The following LTBP4 variants were observed in gnomAD, a reference collection of about 807,000 sequenced individuals.
LTBP4 encodes the protein latent-transforming growth factor beta-binding protein 4.
In LTBP4, 93 loss-of-function variants were observed where a neutral mutation model predicts 180.2. The observed-to-expected ratio is 0.52, with a 90% confidence interval of 0.44 to 0.61. The LOEUF (loss-of-function observed/expected upper bound fraction) is 0.61, where lower values mean the gene tolerates loss of function less well. Ranked by LOEUF, LTBP4 falls within the 20% of genes least tolerant of loss-of-function variation. LTBP4 has a pLI of 0.00. For missense variants in LTBP4, 2,116 were observed against 2,256.5 expected (o/e 0.94, Z 1.26); for synonymous variants, 947 against 934.5 (o/e 1.01, Z -0.24).
In LTBP4 at chr19:40,610,655, A is replaced by T. The variant is rs2081499435; in HGVS notation, c.1808A>T (p.Gln603Leu). Residue 603 changes from glutamine to leucine, a missense_variant and splice_region_variant, in exon 12 of 30, where the codon CAG (glutamine) becomes CTG (leucine). Coordinates refer to ENST00000396819, the MANE Select transcript of LTBP4 (RefSeq NM_001042545.2). ...GCTGCACCGCACGGAGCCAGCTGCC[A>T]GGGTGAGGGCCTGGGAGGGGCAGCT... ...YQAAPHGASC[Q>L]DVDECTQSPG... The T allele has an allele frequency of 6.3e-7, 1 of 1,582,224 alleles. No individual in the cohort carries two copies. Among genetic ancestry groups the T allele is most frequent in the African/African-American group, 1.3e-5 (1 of 74,604 alleles).
At position 40,619,479 on chromosome 19, in the gene LTBP4, C is replaced by T. The variant is rs541020567; in HGVS notation, c.3203C>T (p.Pro1068Leu). Residue 1068 changes from proline to leucine, a missense_variant, in exon 22 of 30, where the codon CCA becomes CTA. Pro to Leu is a moderately conservative substitution (Grantham distance 98). Transcript: ENST00000396819. ...CCCATGACTGGACGCTGTGTTCCCC[C>T]ACGAACTTCTGCTGGTGAGACTGAT... ...FDPMTGRCVP[P>L]RTSAGTFPGS... 53 of 1,611,006 alleles carry T rather than the reference C, an allele frequency of 3.3e-5. No individual in the cohort carries two copies. The highest frequency in any genetic ancestry group is 4.1e-5 in the Non-Finnish European group (48 of 1,178,078).
At chr19:40,604,988 C>T in intron 1 of LTBP4, 47 bp from the exon 2 acceptor site, 1 of 1,555,186 alleles carries the variant, frequency 6.4e-7, no homozygotes, top group Non-Finnish European at 8.8e-7. Flanking sequence ...CCCAGGAGAA[C>T]CTGCCAGGAA....
Position 40,625,883 on chromosome 19 carries a change from G to A in LTBP4, c.3859G>A (p.Glu1287Lys), listed in dbSNP as rs1351871392. The A allele has an allele frequency of 1.3e-6, 2 of 1,596,394 alleles. No homozygotes were observed. The highest frequency in any genetic ancestry group is 3.5e-5 in the Admixed American group (2 of 57,456). Reference sequence around the variant, plus strand: ...TGACAATCTGGGAGTGTGCTGGCAGGAAGTGGGGGCTGACCTCGTGTGCAG... The same window carrying A: ...TGACAATCTGGGAGTGTGCTGGCAGAAAGTGGGGGCTGACCTCGTGTGCAG... Reference protein sequence around the residue: ...LDDNLGVCWQEVGADLVCSHP... With the variant: ...LDDNLGVCWQKVGADLVCSHP... The change falls in exon 27 of 30, where the codon GAA becomes AAA. Residue 1287 changes from glutamate to lysine, a missense_variant. Transcript: ENST00000396819.
At chr19:40,597,519 C>A, upstream of LTBP4, 2 of 1,000,120 alleles carry the variant, frequency 2.0e-6, no homozygotes, top group Non-Finnish European at 2.7e-6. Context: ...ATTTATTAGG[C>A]GCCCTCAATT....
upstream of LTBP4, chr19:40,600,287 A>C: frequency 2.0e-5 from 9 of 455,346 alleles, no homozygotes; most frequent in Non-Finnish European, 2.2e-5. This position sits in a 1 kb window ranked among gnomAD's most constrained non-coding sequence, Gnocchi z 4.4. Context: ...GTTGTAGCTC[A>C]GCACCCACCC....
Position 40,611,389 on chromosome 19 carries a change from G to A in LTBP4, c.2048G>A (p.Cys683Tyr). The change falls in exon 13 of 30, where the codon TGC becomes TAC. Residue 683 changes from cysteine (C) to tyrosine (Y), a missense_variant. By Grantham distance (194) the Cys-to-Tyr change is radical. Around this residue, in one of 5 missense-constraint regions of LTBP4, gnomAD observed 877 missense variants for 873.6 expected, o/e 1.00. Transcript: ENST00000396819. The surrounding 1 kb of genome is among the most constrained non-coding windows in gnomAD (Gnocchi z 4.4). ...GFRSRGPGAP[C>Y]QDVDECARSP... is the part of the protein sequence containing the mutation. Reference sequence around the variant, plus strand: ...CGCTCCCGAGGGCCCGGGGCCCCCTGCCAAGGTGAGGGTGCTGAGCCCAGC... The same window carrying A: ...CGCTCCCGAGGGCCCGGGGCCCCCTACCAAGGTGAGGGTGCTGAGCCCAGC... 6.2e-7 allele frequency: 1 copy of A among 1,604,754 alleles called. No homozygotes were observed.
chr19:40,597,206 G>A (rs1213788956), upstream of LTBP4: 7 of 1,433,022 alleles, frequency 4.9e-6, no homozygotes, highest in East Asian at 8.8e-5. Context: ...CAGACCGCCC[G>A]CCCGGAGCGG....
intron 22 of LTBP4, among the ~76,000 whole-genome samples, chr19:40,621,715 G>C (rs1236799148): frequency 6.6e-6 from 1 of 152,102 alleles, no homozygotes; most frequent in Non-Finnish European, 1.5e-5. Flanking sequence ...TGGATGTCTG[G>C]GTGGGGAAGC....
chr19:40,619,471 T>C lies in LTBP4; in HGVS notation c.3195T>C (p.Cys1065=), dbSNP rs564954460. The C allele has an allele frequency of 6.1e-5, 98 of 1,612,320 alleles. No homozygotes were observed. The East Asian group carries it at 1.9e-3, about 32-fold the overall frequency. ...AGTTTGACCCCATGACTGGACGCTG[T>C]GTTCCCCCACGAACTTCTGCTGGTG... ...PEEFDPMTGR[C]VPPRTSAGTF... Residue 1065 remains cysteine (C), a synonymous_variant, in exon 22 of 30, where the codon TGT becomes TGC. Transcript: ENST00000396819.
chr19:40,603,911 C>A (rs969228459), intron 1 of LTBP4, among the ~76,000 whole-genome samples: 2 of 152,272 alleles, frequency 1.3e-5, no homozygotes, highest in African/African-American at 2.4e-5. Flanking sequence ...TTGTTTACCC[C>A]GCCGCACAGC....
At chr19:40,612,033 G>A (rs1457951873) in intron 14 of LTBP4, 40 bp from the exon 15 acceptor site, 2 of 1,612,020 alleles carry the variant, frequency 1.2e-6, no homozygotes, top group African/African-American at 1.3e-5. Flanking sequence ...GGGGGGAGTT[G>A]GACCACTTCT....
rs1426509297 is a variant in LTBP4 at position 40,627,710 on chromosome 19, C to T, written c.4372C>T (p.Leu1458=). The part of the protein sequence containing the change: ...PPEGGSYAGS[L]AEPYEELEAE... ...GGTCCCCGCATTTCCCACAGGTTCC[C>T]TGGCTGAGCCCTACGAGGAGCTGGA... The change falls in exon 29 of 30, where the codon CTG becomes TTG. Residue 1458 remains leucine (L), a synonymous_variant. Coordinates refer to ENST00000396819, the MANE Select transcript of LTBP4 (RefSeq NM_001042545.2). 2 of 1,593,144 alleles carry T rather than the reference C, an allele frequency of 1.3e-6. No homozygotes were observed. Among genetic ancestry groups the T allele is most frequent in the Admixed American group, 1.7e-5 (1 of 57,326 alleles).
chr19:40,601,328 T>G (rs1206936918), upstream of LTBP4: 1 of 977,876 alleles, frequency 1.0e-6, no homozygotes, highest in African/African-American at 1.8e-5. Flanking sequence ...GGCGGGCGGG[T>G]GCGGCCGGGC....
rs776105771 is a variant in LTBP4 at position 40,609,787 on chromosome 19, G to A, written c.1600G>A (p.Gly534Arg). ...CRRVPPPCAP[G>R]RCENSPGSFR... is the part of the protein sequence containing the mutation. ...CCGCGTGCCCCCGCCCTGTGCTCCC[G>A]GGCGCTGCGAGAACTCACCAGGCAG... The change falls in exon 11 of 30, where the codon GGG (glycine) becomes AGG (arginine). Residue 534 changes from glycine to arginine, a missense_variant. By Grantham distance (125) the Gly-to-Arg change is moderately radical. Coordinates refer to ENST00000396819, the MANE Select transcript of LTBP4 (RefSeq NM_001042545.2). The surrounding 1 kb of genome is among the most constrained non-coding windows in gnomAD (Gnocchi z 4.9). 5.6e-6 allele frequency: 9 copies of A among 1,611,340 alleles called. No individual in the cohort carries two copies. Among genetic ancestry groups the A allele is most frequent in the African/African-American group, 4.0e-5 (3 of 74,856 alleles).
chr19:40,616,497 C>A (rs1278384403), intron 19 of LTBP4, among the ~76,000 whole-genome samples: 1 of 151,682 alleles, frequency 6.6e-6, no homozygotes, highest in Non-Finnish European at 1.5e-5. Flanking sequence ...CTTGAGGAGG[C>A]CGAGGTGGAC....
chr19:40,610,952 C>A (rs1315565752), intron 12 of LTBP4, 200 bp from the exon 13 acceptor site: 6 of 761,356 alleles, frequency 7.9e-6, no homozygotes, highest in Non-Finnish European at 8.3e-6. Flanking sequence ...GAGAAGGAGG[C>A]CTTCTCATGG....
chr19:40,627,896 C>A (rs919871572), intron 29 of LTBP4, 39 bp downstream of exon 29: 2 of 1,535,000 alleles, frequency 1.3e-6, no homozygotes, highest in Non-Finnish European at 1.7e-6. Flanking sequence ...CAGGGAGAGG[C>A]GAGGCTTGTC....
chr19:40,613,339 A>G lies in LTBP4; in HGVS notation c.2432-65A>G. The G allele has an allele frequency of 6.4e-7, 1 of 1,567,096 alleles. No homozygotes were observed. The highest frequency in any genetic ancestry group is 8.6e-7 in the Non-Finnish European group (1 of 1,157,468). On this transcript the variant is annotated intron_variant, in intron 16 of 29. Coordinates refer to ENST00000396819, the MANE Select transcript of LTBP4 (RefSeq NM_001042545.2). The surrounding 1 kb of genome is among the most constrained non-coding windows in gnomAD (Gnocchi z 5.0). Reference sequence around the variant, plus strand: ...CATTGGTGGGGGCGGGGTTACTGCGATGTGGGCGGAGCTTGTCTGGGAGGC... The same window carrying G: ...CATTGGTGGGGGCGGGGTTACTGCGGTGTGGGCGGAGCTTGTCTGGGAGGC...
intron 1 of LTBP4, among the ~76,000 whole-genome samples, chr19:40,594,010 C>A (rs756569932): frequency 6.6e-6 from 1 of 151,886 alleles, no homozygotes; most frequent in African/African-American, 2.4e-5. Flanking sequence ...GCCAGGCTGG[C>A]CTGAAACTCC....
Sources: gnomAD v4.1 joint callset for allele counts (sites outside exome capture counted in the v4.1 genomes callset) on GRCh38, gnomAD v4.1.1 for gene constraint, gnomAD v4.1.1 regional missense constraint, Gnocchi (gnomAD v3.1) non-coding constraint, MANE v1.5 for transcripts, NCBI Gene and HGNC (gene_info 2026-07-23, HGNC 2026-07-21) for gene names.